The following DNASE1L3 variants were observed in gnomAD, a reference collection of about 807,000 sequenced individuals.
DNASE1L3 encodes deoxyribonuclease gamma.
A neutral mutation model predicts 30.9 loss-of-function variants in DNASE1L3; 27 were observed. The ratio of observed to expected loss-of-function variants is 0.87; its 90% CI spans 0.64 to 1.20. The LOEUF (loss-of-function observed/expected upper bound fraction) is 1.20, where lower values mean the gene tolerates loss of function less well. Among genes scored for constraint, DNASE1L3 ranks in the 50% most tolerant of loss-of-function variants. The pLI is 0.00. For missense variants in DNASE1L3, 364 were observed against 378.2 expected, an observed-to-expected ratio of 0.96 and a Z score of 0.31; for synonymous variants, 135 against 138.0, an observed-to-expected ratio of 0.98 and a Z score of 0.15.
Position 58,197,549 on chromosome 3 carries a change from C to G in DNASE1L3, c.704+272G>C, listed in dbSNP as rs1210963051. Among the ~76,000 whole-genome samples, 1 of 152,170 alleles carries G rather than the reference C, an allele frequency of 6.6e-6. No homozygotes were observed. The highest frequency in any genetic ancestry group is 6.5e-5 in the Admixed American group (1 of 15,278). On this transcript the variant is annotated intron_variant, in intron 6 of 7. Coordinates refer to ENST00000394549, the MANE Select transcript of DNASE1L3 (RefSeq NM_004944.4). The surrounding 1 kb of genome is among the most constrained non-coding windows in gnomAD (Gnocchi z 5.3). ...CTCACTGCAGCCTCCACCTTCTGGG[C>G]TCAAGCGATCCTCCCACCTCAGCCT...
chr3:58,210,633 G>T, intron 1 of DNASE1L3, 133 bp downstream of exon 1: 2 of 1,349,978 alleles, frequency 1.5e-6, no homozygotes, highest in Non-Finnish European at 2.0e-6. Flanking sequence ...GAGTTGAAGT[G>T]GTTATTGTTC....
In DNASE1L3 at chr3:58,192,693, G is replaced by T. The variant is rs962750133; in HGVS notation, c.912C>A (p.Arg304=). ...TAAGATGAGACCCTTGGGTCTAGGA[G>T]CGTTTGCTCTTTGTTTTCTTCCTTA... ...VTLRKKTKSK[R]S is the part of the protein sequence containing the mutation. The change falls in exon 8 of 8, where the codon CGC becomes CGA. Residue 304 remains arginine, a synonymous_variant. Transcript: ENST00000394549. This position sits in a 1 kb window ranked among gnomAD's most constrained non-coding sequence, Gnocchi z 4.8. 1 of 1,614,072 alleles carries T rather than the reference G, an allele frequency of 6.2e-7. No individual in the cohort carries two copies. The highest frequency in any genetic ancestry group is 8.5e-7 in the Non-Finnish European group (1 of 1,179,980).
At chr3:58,201,254 C>T (rs2097400398) in intron 4 of DNASE1L3, 145 bp from the exon 5 acceptor site, 4 of 488,382 alleles carry the variant, frequency 8.2e-6, no homozygotes, top group East Asian at 6.6e-5. Context: ...AGCCAGTGGC[C>T]GAGATTTTAA....
chr3:58,195,675 A>G (rs2097396804), intron 6 of DNASE1L3, among the ~76,000 whole-genome samples: 1 of 149,694 alleles, frequency 6.7e-6, no homozygotes, highest in Admixed American at 6.7e-5. Flanking sequence ...AATCCCAGCT[A>G]CTTGGGAGGC....
At chr3:58,209,959 T>G (rs9818004) in intron 1 of DNASE1L3, among the ~76,000 whole-genome samples, 4,725 of 152,078 alleles carry the variant, frequency 0.031, 238 homozygotes, top group African/African-American at 0.11. Flanking sequence ...GTCAATTGAC[T>G]CCAGAGAAAG....
intron 6 of DNASE1L3, among the ~76,000 whole-genome samples, chr3:58,196,311 G>A (rs1276963002): frequency 2.6e-5 from 4 of 151,730 alleles, no homozygotes; most frequent in African/African-American, 9.7e-5. Flanking sequence ...TTGGGAGGCC[G>A]AGGCGGGCGG....
chr3:58,204,377 G>A lies in DNASE1L3; in HGVS notation c.433+392C>T, dbSNP rs556808137. Among the ~76,000 whole-genome samples, 87 of 152,240 alleles carry A rather than the reference G, an allele frequency of 5.7e-4. 1 individual carries two copies. The highest frequency in any genetic ancestry group is 5.5e-3 in the Admixed American group (84 of 15,298). Reference sequence around the variant, plus strand: ...TCTGGTCTCAAGTTCCTGACCTCAGGTGATCCACCTGCCTCAGCCTCCCAA... The same window carrying A: ...TCTGGTCTCAAGTTCCTGACCTCAGATGATCCACCTGCCTCAGCCTCCCAA... On this transcript the variant is annotated intron_variant, in intron 4 of 7. Coordinates refer to ENST00000394549, the MANE Select transcript of DNASE1L3 (RefSeq NM_004944.4).
In DNASE1L3 at chr3:58,193,284, G is replaced by A. The variant is rs1435981612; in HGVS notation, c.801+59C>T. ...CATAGAGATGGAGTCTCATCATGTT[G>A]CCCAAGCTAACTCATCTTTCCAGGA... On this transcript the variant is annotated intron_variant, in intron 7 of 7. Transcript: ENST00000394549. The A allele has an allele frequency of 1.9e-6, 3 of 1,583,732 alleles. No homozygotes were observed. In the South Asian group the frequency reaches 3.3e-5, roughly 18 times the overall value.
At chr3:58,204,204 G>A (rs551729121) in intron 4 of DNASE1L3, among the ~76,000 whole-genome samples, 3 of 150,016 alleles carry the variant, frequency 2.0e-5, no homozygotes, top group East Asian at 2.0e-4. Flanking sequence ...GCAGTGGTAC[G>A]ATCTCGGCTC....
chr3:58,207,018 A>G (rs1000201321), intron 2 of DNASE1L3, among the ~76,000 whole-genome samples: 4 of 152,098 alleles, frequency 2.6e-5, no homozygotes, highest in Non-Finnish European at 4.4e-5. Flanking sequence ...CTACCATCTC[A>G]TCTTGCTCCT....
Position 58,201,042 on chromosome 3 carries a change from C to T in DNASE1L3, c.501G>A (p.Glu167=), listed in dbSNP as rs149185668. 294 of 1,613,594 alleles carry T rather than the reference C, an allele frequency of 1.8e-4. No individual in the cohort carries two copies. In the African/African-American group the frequency reaches 3.4e-3, roughly 18 times the overall value. ...TCACGTCCGTGTAGACCTCAACCAA[C>T]TCATCGATCTCCTTAACGGATGTCT... ...TPETSVKEID[E]LVEVYTDVKH... is the part of the protein sequence containing the mutation. The change falls in exon 5 of 8, where the codon GAG becomes GAA. Residue 167 remains glutamate (E), a synonymous_variant. Transcript: ENST00000394549.
intron 6 of DNASE1L3, among the ~76,000 whole-genome samples, chr3:58,194,650 G>A (rs2097396123): frequency 7.5e-6 from 1 of 132,728 alleles, no homozygotes; most frequent in South Asian, 2.5e-4. Flanking sequence ...TTTTGAGACG[G>A]AGTCTCTCTG....
In DNASE1L3 at chr3:58,192,773, C is replaced by A; in HGVS notation, c.832G>T (p.Glu278Ter). The A allele has an allele frequency of 6.2e-7, 1 of 1,614,042 alleles. No individual in the cohort carries two copies. The highest frequency in any genetic ancestry group is 1.3e-5 in the African/African-American group (1 of 75,020). Residue 278 changes from glutamate to a stop codon, truncating the protein, a stop_gained, in exon 8 of 8, where the codon GAA (glutamate) becomes TAA (stop). Coordinates refer to ENST00000394549, the MANE Select transcript of DNASE1L3 (RefSeq NM_004944.4). LOFTEE classifies it low-confidence loss of function (END_TRUNC). The surrounding 1 kb of genome is among the most constrained non-coding windows in gnomAD (Gnocchi z 4.8). Reference protein sequence around the residue: ...ALDVSDHFPVEFKLQSSRAFT... With the variant: ...ALDVSDHFPV ...GCCCTTGAAGACTGTAGTTTAAATTCAACTGGAAAGTGGTCGCTGACATCC... is the reference window on the plus strand; with the variant it reads ...GCCCTTGAAGACTGTAGTTTAAATTAAACTGGAAAGTGGTCGCTGACATCC...
At chr3:58,196,057 G>A (rs1169921991) in intron 6 of DNASE1L3, among the ~76,000 whole-genome samples, 1 of 152,108 alleles carries the variant, frequency 6.6e-6, no homozygotes, top group East Asian at 1.9e-4. Context: ...GAAGAATGGC[G>A]CTGGAGAAGG....
intron 1 of DNASE1L3, among the ~76,000 whole-genome samples, chr3:58,209,878 A>G (rs2097406530): frequency 6.6e-6 from 1 of 152,202 alleles, no homozygotes; most frequent in African/African-American, 2.4e-5. Context: ...GGTAATAAGT[A>G]CCTTTCCAGA....
chr3:58,193,234 G>T, intron 7 of DNASE1L3, 109 bp downstream of exon 7: 1 of 1,464,642 alleles, frequency 6.8e-7, no homozygotes, highest in Non-Finnish European at 9.3e-7. Context: ...GCATCACCAT[G>T]CCCAGCTAAT....
At position 58,200,461 on chromosome 3, in the gene DNASE1L3, A is replaced by G. The variant is rs866725803; in HGVS notation, c.546+536T>C. Among the ~76,000 whole-genome samples the G allele has an allele frequency of 2.0e-5, 3 of 152,312 alleles. No homozygotes were observed. Among genetic ancestry groups the G allele is most frequent in the Middle Eastern group, 3.4e-3 (1 of 294 alleles). On this transcript the variant is annotated intron_variant, in intron 5 of 7. Transcript: ENST00000394549. This position sits in a 1 kb window ranked among gnomAD's most constrained non-coding sequence, Gnocchi z 4.2. ...GGGCAACCAGGAGATAGAAAGGAAG[A>G]GACAAATCAAGCTCTGATTACCTTG...
chr3:58,204,495 G>A (rs1369425889), intron 4 of DNASE1L3, among the ~76,000 whole-genome samples: 1 of 152,140 alleles, frequency 6.6e-6, no homozygotes, highest in Non-Finnish European at 1.5e-5. Flanking sequence ...AGGAATTGCA[G>A]AAAACAATTT....
intron 1 of DNASE1L3, among the ~76,000 whole-genome samples, chr3:58,210,431 C>T: frequency 6.6e-6 from 1 of 152,170 alleles, no homozygotes; most frequent in East Asian, 1.9e-4. Flanking sequence ...AAACCATGTG[C>T]TTATAGTGCC....
Sources: allele counts gnomAD v4.1 joint callset (sites outside exome capture counted in the v4.1 genomes callset), GRCh38; gene constraint gnomAD v4.1.1; non-coding constraint Gnocchi (gnomAD v3.1); transcripts MANE v1.5; gene names NCBI Gene and HGNC (gene_info 2026-07-23, HGNC 2026-07-21).